Variants in CEP57L1 observed in about 807,000 individuals in gnomAD.
CEP57L1 encodes centrosomal protein 57 like 1, also known as centrosomal protein CEP57L1.
A neutral mutation model predicts 61.0 loss-of-function variants in CEP57L1; 37 were observed. The ratio of observed to expected loss-of-function variants is 0.61; its 90% CI spans 0.47 to 0.80. The LOEUF (loss-of-function observed/expected upper bound fraction) is 0.80. Ranked by LOEUF, CEP57L1 falls within the 30% of genes least tolerant of loss-of-function variation. The probability of loss-of-function intolerance (pLI) is 0.00; values close to 1 mark genes in which losing one functional copy is unlikely to be tolerated. For synonymous variants in CEP57L1, 137 were observed against 162.3 expected (o/e 0.84, Z 1.19); for missense variants, 422 against 524.7 (o/e 0.80, Z 1.91).
chr6:109,149,731 T>C (rs1583613470), intron 3 of CEP57L1, among the ~76,000 whole-genome samples: 2 of 152,190 alleles, frequency 1.3e-5, no homozygotes, highest in Non-Finnish European at 2.9e-5. Context: ...TTTCACGATA[T>C]TGATTCTTCC....
intron 3 of CEP57L1, 89 bp downstream of exon 3, chr6:109,147,026 A>G: frequency 9.9e-7 from 1 of 1,008,644 alleles, no homozygotes. Context: ...ATGTACTCAG[A>G]TATCTTTATT....
chr6:109,173,231 CTG>C lies in CEP57L1; in HGVS notation c.*10263_*10264del, dbSNP rs1433422125. Among the ~76,000 whole-genome samples, 2 of 152,064 alleles carry C rather than the reference CTG, an allele frequency of 1.3e-5. No homozygotes were observed. Among genetic ancestry groups the C allele is most frequent in the Non-Finnish European group, 2.9e-5 (2 of 68,006 alleles). On this transcript the variant is annotated 3_prime_UTR_variant, in exon 11 of 11. Coordinates refer to ENST00000517392, the MANE Select transcript of CEP57L1 (RefSeq NM_001271852.3). ...GTATTATTTTTGCATTTTCCTGACA[CTG>C]TATTACTTACAAGTTATATTAATAA...
At chr6:109,104,886 C>T (rs1770745518) in intron 1 of CEP57L1, among the ~76,000 whole-genome samples, 1 of 152,118 alleles carries the variant, frequency 6.6e-6, no homozygotes, top group Non-Finnish European at 1.5e-5. Context: ...TGCACTGGGT[C>T]CTGATAGGCT....
At chr6:109,141,373 G>C (rs1168795992) in intron 1 of CEP57L1, among the ~76,000 whole-genome samples, 1 of 151,428 alleles carries the variant, frequency 6.6e-6, no homozygotes, top group Non-Finnish European at 1.5e-5. Context: ...CCACCACCAC[G>C]CCTGGCTAAT....
intron 1 of CEP57L1, among the ~76,000 whole-genome samples, chr6:109,111,705 C>T (rs1476524629): frequency 1.3e-5 from 2 of 152,122 alleles, no homozygotes; most frequent in Non-Finnish European, 2.9e-5. Context: ...CCATCAATAC[C>T]TACTTTATTG....
chr6:109,120,598 CAT>C (rs1293805500), intron 1 of CEP57L1, among the ~76,000 whole-genome samples: 1 of 152,094 alleles, frequency 6.6e-6, no homozygotes, highest in African/African-American at 2.4e-5. Flanking sequence ...TATTAAAAAA[CAT>C]GTTAACGGGG....
Position 109,172,942 on chromosome 6 carries a change from A to C in CEP57L1, c.*9972A>C. ...ACATACTATACTGAAGTCAGGAACCAAGAACCGGTCAATTTACCTCAGCCA... is the reference window on the plus strand; with the variant it reads ...ACATACTATACTGAAGTCAGGAACCCAGAACCGGTCAATTTACCTCAGCCA... On this transcript the variant is annotated 3_prime_UTR_variant, in exon 11 of 11. Coordinates refer to ENST00000517392, the MANE Select transcript of CEP57L1 (RefSeq NM_001271852.3). 6.6e-6 allele frequency among the ~76,000 whole-genome samples: 1 copy of C among 152,228 alleles called. No individual in the cohort carries two copies. Among genetic ancestry groups the C allele is most frequent in the Non-Finnish European group, 1.5e-5 (1 of 68,052 alleles).
intron 1 of CEP57L1, among the ~76,000 whole-genome samples, chr6:109,127,670 G>C (rs955621131): frequency 6.6e-6 from 1 of 151,850 alleles, no homozygotes; most frequent in Non-Finnish European, 1.5e-5. Context: ...ACCCAGGCTG[G>C]AGTGCAGTGG....
At position 109,159,479 on chromosome 6, in the gene CEP57L1, T is replaced by A. The variant is rs760872134; in HGVS notation, c.1016+17T>A. ...AATGAGCATGTAAGTATTTATATTCTTTTTTTTTTTCAAGAGACAGTGTCT... is the reference window on the plus strand; with the variant it reads ...AATGAGCATGTAAGTATTTATATTCATTTTTTTTTTCAAGAGACAGTGTCT... On this transcript the variant is annotated intron_variant, in intron 9 of 10. Transcript: ENST00000517392. The A allele has an allele frequency of 9.2e-7, 1 of 1,092,064 alleles. No homozygotes were observed. The highest frequency in any genetic ancestry group is 1.3e-6 in the Non-Finnish European group (1 of 799,466). The allele number at this position is 1,092,064 out of a possible 1,614,324, so 67.6% of individuals were successfully genotyped here. A position where few individuals can be genotyped will look rare whatever the true frequency, so the allele number is the denominator to read the frequency against.
rs192780290 is a variant in CEP57L1 at position 109,122,585 on chromosome 6, G to A, written c.-3-22634G>A. Among the ~76,000 whole-genome samples, 451 of 152,076 alleles carry A rather than the reference G, an allele frequency of 3.0e-3. 1 individual carries two copies. The highest frequency in any genetic ancestry group is 0.01 in the African/African-American group (434 of 41,486). ...TGGGAGGCCGAGGTGGGAGGATCAC[G>A]AGGTCAGGGGTTCGAGACCAGCCAG... is the stretch of plus-strand genomic sequence containing the variant. On this transcript the variant is annotated intron_variant, in intron 1 of 10. Transcript: ENST00000517392.
Position 109,171,926 on chromosome 6 carries a change from C to CT in CEP57L1, c.*8957dup, listed in dbSNP as rs1774424500. Among the ~76,000 whole-genome samples the CT allele has an allele frequency of 6.6e-6, 1 of 152,124 alleles. No individual in the cohort carries two copies. The highest frequency in any genetic ancestry group is 6.5e-5 in the Admixed American group (1 of 15,272). On this transcript the variant is annotated 3_prime_UTR_variant, in exon 11 of 11. Transcript: ENST00000517392. ...AAATGAGAACTAGACAGTGTGGTGA[C>CT]TGTTTTTGTTGTTAACCTTACCTCA...
rs188155059 is a variant in CEP57L1 at position 109,139,917 on chromosome 6, C to T, written c.-3-5302C>T. 2.0e-5 allele frequency among the ~76,000 whole-genome samples: 3 copies of T among 152,258 alleles called. No homozygotes were observed. The East Asian group carries it at 5.8e-4, about 29-fold the overall frequency. Reference sequence around the variant, plus strand: ...AAAGTGCTGGGATTATAGGCATGAACCACCATGCCCAGGCTGGAATTTTCC... The same window carrying T: ...AAAGTGCTGGGATTATAGGCATGAATCACCATGCCCAGGCTGGAATTTTCC... On this transcript the variant is annotated intron_variant, in intron 1 of 10. Transcript: ENST00000517392.
intron 1 of CEP57L1, among the ~76,000 whole-genome samples, chr6:109,110,371 C>T (rs770479595): frequency 2.6e-5 from 4 of 152,190 alleles, no homozygotes; most frequent in Non-Finnish European, 5.9e-5. Flanking sequence ...ATCCTTCACC[C>T]ACTTTTTGAC....
intron 4 of CEP57L1, among the ~76,000 whole-genome samples, chr6:109,152,311 G>A (rs1325638692): frequency 6.6e-6 from 1 of 152,114 alleles, no homozygotes; most frequent in Non-Finnish European, 1.5e-5. Flanking sequence ...CTCCCAAGTA[G>A]CTGGGATTAC....
At chr6:109,153,538 G>T (rs961404931) in intron 4 of CEP57L1, among the ~76,000 whole-genome samples, 4 of 151,278 alleles carry the variant, frequency 2.6e-5, no homozygotes, top group East Asian at 3.9e-4. Context: ...GAGCCACCAC[G>T]CCTGGCCTTT....
chr6:109,124,530 CCA>C (rs1773330434), intron 1 of CEP57L1, among the ~76,000 whole-genome samples: 1 of 152,122 alleles, frequency 6.6e-6, no homozygotes, highest in Non-Finnish European at 1.5e-5. Context: ...TTTTTCTGTG[CCA>C]CAGTTTCCTC....
intron 1 of CEP57L1, among the ~76,000 whole-genome samples, chr6:109,120,933 C>G (rs984896921): frequency 9.4e-6 from 1 of 106,788 alleles, no homozygotes; most frequent in Non-Finnish European, 2.5e-5. Flanking sequence ...CACACACACA[C>G]ACACACACAC....
chr6:109,102,122 A>G (rs1164221021), intron 1 of CEP57L1, among the ~76,000 whole-genome samples: 2 of 152,126 alleles, frequency 1.3e-5, no homozygotes, highest in Non-Finnish European at 2.9e-5. Flanking sequence ...TCATACGCCT[A>G]TTTGCTGCCT....
At position 109,168,991 on chromosome 6, in the gene CEP57L1, C is replaced by T. The variant is rs1256758607; in HGVS notation, c.*6021C>T. ...GTAAAATCTTAACACTTTAGGAGGC[C>T]GAGGCGGGCAGATTGCCTGAGCTCA... On this transcript the variant is annotated 3_prime_UTR_variant, in exon 11 of 11. Coordinates refer to ENST00000517392, the MANE Select transcript of CEP57L1 (RefSeq NM_001271852.3). Among the ~76,000 whole-genome samples, 11 of 145,350 alleles carry T rather than the reference C, an allele frequency of 7.6e-5. No individual in the cohort carries two copies. In the East Asian group the frequency reaches 8.1e-4, roughly 11 times the overall value.
Sources: allele counts gnomAD v4.1 joint callset (sites outside exome capture counted in the v4.1 genomes callset), GRCh38; gene constraint gnomAD v4.1.1; transcripts MANE v1.5; gene names NCBI Gene and HGNC (gene_info 2026-07-23, HGNC 2026-07-21).